The following DIS3L2 variants were observed in gnomAD, a reference collection of about 807,000 sequenced individuals.
DIS3L2 encodes DIS3 like 3'-5' exoribonuclease 2, also known as DIS3-like exonuclease 2.
In DIS3L2, 34 loss-of-function variants were observed where a neutral mutation model predicts 97.5. The ratio of observed to expected loss-of-function variants is 0.35; its 90% CI spans 0.27 to 0.46. The LOEUF (loss-of-function observed/expected upper bound fraction) is 0.46, where lower values mean the gene tolerates loss of function less well. Among genes scored for constraint, DIS3L2 ranks in the 20% least tolerant of loss-of-function variants. The pLI, the probability that DIS3L2 is intolerant of heterozygous loss-of-function variation, is 1.00. For missense variants in DIS3L2, 1,038 were observed against 1,146.0 expected, an observed-to-expected ratio of 0.91 and a Z score of 1.36; for synonymous variants, 435 against 445.2, an observed-to-expected ratio of 0.98 and a Z score of 0.29.
At chr2:232,240,201 T>C (rs2106254332) in intron 11 of DIS3L2, among the ~76,000 whole-genome samples, 1 of 152,356 alleles carries the variant, frequency 6.6e-6, no homozygotes, top group Admixed American at 6.5e-5. Context: ...CCCAGGACAG[T>C]ACTCTCTGGA....
At chr2:232,240,052 C>T (rs1332866397) in intron 11 of DIS3L2, among the ~76,000 whole-genome samples, 2 of 152,200 alleles carry the variant, frequency 1.3e-5, no homozygotes, top group Non-Finnish European at 2.9e-5. Flanking sequence ...TTGTCTGAGA[C>T]CCTTTGCTCC....
rs370305682 is a variant in DIS3L2 at position 232,292,391 on chromosome 2, G to A, written c.1660-7649G>A. On this transcript the variant is annotated intron_variant, in intron 13 of 20. Coordinates refer to ENST00000325385, the MANE Select transcript of DIS3L2 (RefSeq NM_152383.5). This position sits in a 1 kb window ranked among gnomAD's most constrained non-coding sequence, Gnocchi z 4.4. ...CCTGTTGCCATCTGCTGGGAGGGTCGCCTTGCTGTCTCCATTGTCATCCTA... is the reference window on the plus strand; with the variant it reads ...CCTGTTGCCATCTGCTGGGAGGGTCACCTTGCTGTCTCCATTGTCATCCTA... Among the ~76,000 whole-genome samples the A allele has an allele frequency of 5.9e-5, 9 of 152,220 alleles. No individual in the cohort carries two copies. Among genetic ancestry groups the A allele is most frequent in the East Asian group, 3.9e-4 (2 of 5,178 alleles).
intron 14 of DIS3L2, among the ~76,000 whole-genome samples, chr2:232,320,330 G>A (rs1316423520): frequency 1.3e-5 from 2 of 152,084 alleles, no homozygotes; most frequent in Non-Finnish European, 2.9e-5. Context: ...CGTTAGTTCA[G>A]TGGAAAAAAA....
chr2:232,320,809 A>T (rs1356898610), intron 14 of DIS3L2, among the ~76,000 whole-genome samples: 1 of 152,182 alleles, frequency 6.6e-6, no homozygotes, highest in African/African-American at 2.4e-5. Flanking sequence ...CAGCTCTGGG[A>T]TACATAGATG....
At chr2:232,153,713 C>T (rs1267766345) in intron 8 of DIS3L2, among the ~76,000 whole-genome samples, 11 of 143,968 alleles carry the variant, frequency 7.6e-5, no homozygotes, top group Non-Finnish European at 1.3e-4. Context: ...ATCTTTGTGG[C>T]GTTCTCTGTA....
chr2:232,299,237 T>A (rs1030557353), intron 13 of DIS3L2, among the ~76,000 whole-genome samples: 5 of 152,250 alleles, frequency 3.3e-5, no homozygotes. Context: ...CTGACTGTAG[T>A]GGCTGCCTCC....
At chr2:232,134,280 G>C (rs1698297645) in intron 7 of DIS3L2, among the ~76,000 whole-genome samples, 2 of 152,206 alleles carry the variant, frequency 1.3e-5, no homozygotes, top group South Asian at 4.1e-4. Flanking sequence ...AGATTGTGCA[G>C]AATGGGGACA....
At position 231,962,427 on chromosome 2, in the gene DIS3L2, C is replaced by T. The variant is rs572440609; in HGVS notation, c.-94+662C>T. ...CCCTCCTTCCAGTAGTCTACAGTGT[C>T]TACCGTTACCTTTTTTTTTTTTTTT... On this transcript the variant is annotated intron_variant, in intron 1 of 20. Transcript: ENST00000325385. Among the ~76,000 whole-genome samples, 9 of 146,656 alleles carry T rather than the reference C, an allele frequency of 6.1e-5. No homozygotes were observed. In the South Asian group the frequency reaches 6.7e-4, roughly 11 times the overall value.
rs561834702 is a variant in DIS3L2 at position 232,324,020 on chromosome 2, C to T, written c.1740-5793C>T. Among the ~76,000 whole-genome samples the T allele has an allele frequency of 9.8e-5, 15 of 152,330 alleles. No homozygotes were observed. In the East Asian group the frequency reaches 2.9e-3, roughly 29 times the overall value. On this transcript the variant is annotated intron_variant, in intron 14 of 20. Transcript: ENST00000325385. ...GCCTGCAATTCAGTGCTCCGTAGAC[C>T]CCTGCCTCCCAGGGCTCTGCGGTTT...
chr2:232,044,371 G>T (rs1464993536), intron 5 of DIS3L2, among the ~76,000 whole-genome samples: 2 of 152,130 alleles, frequency 1.3e-5, no homozygotes, highest in Admixed American at 6.5e-5. Flanking sequence ...AGGAGGAGAT[G>T]AATTTAAGAC....
intron 13 of DIS3L2, among the ~76,000 whole-genome samples, chr2:232,291,020 T>G (rs957249593): frequency 7.9e-5 from 12 of 152,354 alleles, no homozygotes; most frequent in African/African-American, 2.9e-4. Flanking sequence ...TTTCTCACTC[T>G]TATTTTTTCC....
chr2:232,243,498 C>A (rs1278090067), intron 11 of DIS3L2, among the ~76,000 whole-genome samples: 1 of 151,992 alleles, frequency 6.6e-6, no homozygotes, highest in Non-Finnish European at 1.5e-5. Context: ...TGGGCCCTTT[C>A]CCCCAGTCAT....
intron 12 of DIS3L2, chr2:232,260,537 G>A (rs569849710): frequency 1.3e-5 from 2 of 152,364 alleles, no homozygotes; most frequent in South Asian, 4.1e-4. Flanking sequence ...TGGAAGATTT[G>A]TGAGATTATT....
intron 8 of DIS3L2, among the ~76,000 whole-genome samples, chr2:232,141,073 A>G (rs1690023342): frequency 1.3e-5 from 2 of 152,294 alleles, no homozygotes; most frequent in African/African-American, 4.8e-5. Flanking sequence ...ATGATCTGCA[A>G]TTACATAATC....
At chr2:232,143,593 G>C (rs2106361338) in intron 8 of DIS3L2, among the ~76,000 whole-genome samples, 1 of 152,024 alleles carries the variant, frequency 6.6e-6, no homozygotes, top group East Asian at 1.9e-4. Context: ...ATTTCCCAGA[G>C]TTTCACCCCC....
At position 232,001,557 on chromosome 2, in the gene DIS3L2, C is replaced by CTTTTTTTTTTTTTT. The variant is rs57766848; in HGVS notation, c.-93-13268_-93-13255dup. On this transcript the variant is annotated intron_variant, in intron 1 of 20. Transcript: ENST00000325385. ...CTTAGCTTAGTGGAATGCCATTTGT[C>CTTTTTTTTTTTTTT]TTTTTTTTTTTTTTTTTTTTTTTGC... Among the ~76,000 whole-genome samples, 82 of 61,914 alleles carry CTTTTTTTTTTTTTT rather than the reference C, an allele frequency of 1.3e-3. 1 individual carries two copies. The highest frequency in any genetic ancestry group is 1.6e-3 in the Non-Finnish European group (58 of 35,214). 40.6% of individuals were successfully genotyped at this position (61,914 alleles called of 152,430 possible).
chr2:232,282,111 T>A (rs1359868928), intron 13 of DIS3L2, among the ~76,000 whole-genome samples: 2 of 144,924 alleles, frequency 1.4e-5, no homozygotes. Flanking sequence ...TCCTACTCTC[T>A]GTCTTTCCAG....
chr2:232,257,735 A>G (rs1357360599), intron 12 of DIS3L2, among the ~76,000 whole-genome samples: 1 of 152,254 alleles, frequency 6.6e-6, no homozygotes, highest in Non-Finnish European at 1.5e-5. Flanking sequence ...AAATTTAAAG[A>G]TACATTTGAA....
intron 13 of DIS3L2, chr2:232,343,265 C>A: frequency 1.6e-6 from 2 of 1,246,598 alleles, no homozygotes; most frequent in Non-Finnish European, 2.2e-6. Context: ...GCTGAGTAGG[C>A]TCACCTTTCA....
Sources: gnomAD v4.1 joint callset for allele counts (sites outside exome capture counted in the v4.1 genomes callset) on GRCh38, gnomAD v4.1.1 for gene constraint, Gnocchi (gnomAD v3.1) non-coding constraint, MANE v1.5 for transcripts, NCBI Gene and HGNC (gene_info 2026-07-23, HGNC 2026-07-21) for gene names.